The following KCNH1 variants were observed in gnomAD, a reference collection of about 807,000 sequenced individuals.
KCNH1 encodes the protein voltage-gated delayed rectifier potassium channel KCNH1.
KCNH1 carries 27 observed loss-of-function variants against 69.2 expected under a neutral mutation model. That is an observed-to-expected ratio of 0.39 (90% CI 0.29 to 0.54). The LOEUF is 0.54. Ranked by LOEUF, KCNH1 falls within the 20% of genes least tolerant of loss-of-function variation. KCNH1 has a pLI of 0.68. For synonymous variants in KCNH1, 456 were observed against 487.7 expected, an observed-to-expected ratio of 0.93 and a Z score of 0.86; for missense variants, 798 against 1,261.6, an observed-to-expected ratio of 0.63 and a Z score of 5.57.
At chr1:210,866,384 A>G (rs970055544) in intron 7 of KCNH1, among the ~76,000 whole-genome samples, 6 of 152,220 alleles carry the variant, frequency 3.9e-5, no homozygotes, top group Non-Finnish European at 7.4e-5. Flanking sequence ...AGAGATTTGT[A>G]TCCAGAATAT....
intron 6 of KCNH1, among the ~76,000 whole-genome samples, chr1:210,982,856 C>A (rs1401658621): frequency 6.6e-6 from 1 of 152,184 alleles, no homozygotes; most frequent in East Asian, 1.9e-4. Context: ...CTGACTTCCA[C>A]AATGGTTGAA....
chr1:210,891,127 C>T (rs1451509783), intron 7 of KCNH1, among the ~76,000 whole-genome samples: 1 of 152,184 alleles, frequency 6.6e-6, no homozygotes, highest in East Asian at 1.9e-4. Context: ...AAAGCAAAGA[C>T]TTGGAACCAA....
At chr1:210,776,973 C>G (rs1203745315) in intron 9 of KCNH1, among the ~76,000 whole-genome samples, 1 of 152,056 alleles carries the variant, frequency 6.6e-6, no homozygotes, top group African/African-American at 2.4e-5. Context: ...GCACGATAAA[C>G]ACAAATTTGA....
intron 9 of KCNH1, among the ~76,000 whole-genome samples, chr1:210,776,874 T>C (rs1683871564): frequency 6.6e-6 from 1 of 152,166 alleles, no homozygotes; most frequent in Non-Finnish European, 1.5e-5. Context: ...CATTTTAACA[T>C]ATGTCAAATG....
intron 7 of KCNH1, among the ~76,000 whole-genome samples, chr1:210,883,345 G>T (rs1164934842): frequency 1.3e-5 from 2 of 152,180 alleles, no homozygotes; most frequent in East Asian, 3.9e-4. Flanking sequence ...TCTTAGGCAT[G>T]TTGGCCCTTG....
chr1:210,815,012 G>A (rs1574273116), intron 7 of KCNH1, among the ~76,000 whole-genome samples: 1 of 152,128 alleles, frequency 6.6e-6, no homozygotes, highest in Non-Finnish European at 1.5e-5. Flanking sequence ...AAAGAGGTGA[G>A]TTTGCTCTGG....
chr1:211,106,270 G>C (rs940091809), intron 2 of KCNH1, among the ~76,000 whole-genome samples: 1 of 152,228 alleles, frequency 6.6e-6, no homozygotes, highest in Non-Finnish European at 1.5e-5. Flanking sequence ...GGGAATGTCT[G>C]GCAGGATCCA....
intron 7 of KCNH1, among the ~76,000 whole-genome samples, chr1:210,882,489 A>G (rs1473434411): frequency 6.6e-6 from 1 of 152,204 alleles, no homozygotes; most frequent in Non-Finnish European, 1.5e-5. Flanking sequence ...TCAGGATCAA[A>G]AATAGCCCTC....
At chr1:210,762,860 T>G (rs1381508491) in intron 10 of KCNH1, among the ~76,000 whole-genome samples, 1 of 152,004 alleles carries the variant, frequency 6.6e-6, no homozygotes, top group Admixed American at 6.5e-5. Context: ...GGACTCCTCC[T>G]TAACTCATTC....
chr1:210,691,751 A>G (rs766663387), intron 10 of KCNH1, among the ~76,000 whole-genome samples: 3 of 152,246 alleles, frequency 2.0e-5, no homozygotes, highest in Non-Finnish European at 2.9e-5. Flanking sequence ...ATGCCTCTCT[A>G]GATGCATTCG....
intron 9 of KCNH1, among the ~76,000 whole-genome samples, chr1:210,783,731 C>CCA (rs1684037139): frequency 6.6e-6 from 1 of 152,138 alleles, no homozygotes; most frequent in South Asian, 2.1e-4. Context: ...CACAAGGTTG[C>CCA]CACACCAGCC....
At chr1:210,988,986 G>C (rs1263261885) in intron 6 of KCNH1, among the ~76,000 whole-genome samples, 1 of 152,180 alleles carries the variant, frequency 6.6e-6, no homozygotes, top group Non-Finnish European at 1.5e-5. Flanking sequence ...GAAAATAATA[G>C]ATGTTCAATG....
At chr1:210,884,464 C>T (rs942370747) in intron 7 of KCNH1, among the ~76,000 whole-genome samples, 3 of 152,130 alleles carry the variant, frequency 2.0e-5, no homozygotes, top group African/African-American at 7.2e-5. Context: ...AGAGGAAGAT[C>T]CCAAAGTTCA....
At chr1:210,848,670 G>A (rs1033561366) in intron 7 of KCNH1, among the ~76,000 whole-genome samples, 2 of 152,072 alleles carry the variant, frequency 1.3e-5, no homozygotes, top group African/African-American at 4.8e-5. Flanking sequence ...TAGAATCTTG[G>A]TCACGTGACA....
Position 210,784,587 on chromosome 1 carries a change from C to A in KCNH1, c.1916-9043G>T, listed in dbSNP as rs1188823559. 2.0e-5 allele frequency among the ~76,000 whole-genome samples: 3 copies of A among 152,188 alleles called. No individual in the cohort carries two copies. The East Asian group carries it at 5.8e-4, about 29-fold the overall frequency. ...AATGGAGGTGCTGAGGGGGCCTTGG[C>A]TGCAGGGACAGGCCTGTATTTCACT... is the stretch of plus-strand genomic sequence containing the variant. On this transcript the variant is annotated intron_variant, in intron 9 of 10. Coordinates refer to ENST00000271751, the MANE Select transcript of KCNH1 (RefSeq NM_172362.3).
intron 5 of KCNH1, among the ~76,000 whole-genome samples, chr1:211,033,049 T>C (rs569986290): frequency 2.6e-5 from 4 of 152,058 alleles, no homozygotes; most frequent in African/African-American, 9.7e-5. Flanking sequence ...TACAATGAAC[T>C]CAAATAAATT....
chr1:210,913,274 T>C (rs977031234), intron 7 of KCNH1, among the ~76,000 whole-genome samples: 1 of 152,140 alleles, frequency 6.6e-6, no homozygotes, highest in African/African-American at 2.4e-5. Context: ...TTCTGAACAC[T>C]GCCCCATTCC....
At chr1:210,772,449 G>A (rs374750032) in intron 10 of KCNH1, among the ~76,000 whole-genome samples, 3 of 150,568 alleles carry the variant, frequency 2.0e-5, no homozygotes, top group East Asian at 1.9e-4. Context: ...ACGTAACTAC[G>A]AATTAATTCT....
At chr1:210,742,507 T>C (rs1434804447) in intron 10 of KCNH1, among the ~76,000 whole-genome samples, 1 of 152,220 alleles carries the variant, frequency 6.6e-6, no homozygotes, top group Non-Finnish European at 1.5e-5. Context: ...ACTGCGTCTC[T>C]GGGATTTCTC....
Sources: gnomAD v4.1 joint callset for allele counts (sites outside exome capture counted in the v4.1 genomes callset) on GRCh38, gnomAD v4.1.1 for gene constraint, MANE v1.5 for transcripts, NCBI Gene and HGNC (gene_info 2026-07-23, HGNC 2026-07-21) for gene names.